Variants in SEMA4D observed in about 807,000 individuals in gnomAD.
SEMA4D encodes semaphorin-4D.
Under a neutral mutation model 74.8 loss-of-function variants are expected in SEMA4D, and 22 were observed. The observed-to-expected ratio is 0.29, with a 90% CI of 0.21 to 0.42. The LOEUF (loss-of-function observed/expected upper bound fraction) is 0.42, where lower values mean the gene tolerates loss of function less well. Among genes scored for constraint, SEMA4D ranks in the 10% least tolerant of loss-of-function variants. The pLI is 1.00. For synonymous variants in SEMA4D, 445 were observed against 463.7 expected (o/e 0.96, Z 0.52); for missense variants, 937 against 1,118.4 (o/e 0.84, Z 2.31).
intron 1 of SEMA4D, among the ~76,000 whole-genome samples, chr9:89,491,137 C>T (rs1183135548): frequency 1.3e-5 from 2 of 152,224 alleles, no homozygotes; most frequent in African/African-American, 4.8e-5. Flanking sequence ...TAGTGGGACT[C>T]CACGTGGAAA....
intron 15 of SEMA4D, among the ~76,000 whole-genome samples, chr9:89,380,456 C>G (rs1461534858): frequency 6.6e-6 from 1 of 152,144 alleles, no homozygotes; most frequent in Non-Finnish European, 1.5e-5. Flanking sequence ...CTCAGCCTCC[C>G]TAGTAGCTGG....
chr9:89,391,861 G>A (rs1286969980), intron 8 of SEMA4D, among the ~76,000 whole-genome samples: 1 of 152,226 alleles, frequency 6.6e-6, no homozygotes, highest in Non-Finnish European at 1.5e-5. Context: ...CCCTGAATCT[G>A]GGGTCTTGGG....
chr9:89,472,390 A>C (rs28624207), intron 1 of SEMA4D: 46,285 of 349,490 alleles, frequency 0.13, 3,301 homozygotes, highest in Middle Eastern at 0.18. Flanking sequence ...GACAGGAATG[A>C]TCACTGGGCA....
intron 5 of SEMA4D, 97 bp downstream of exon 5, chr9:89,399,179 A>T: frequency 1.0e-6 from 1 of 1,001,272 alleles, no homozygotes; most frequent in Non-Finnish European, 1.6e-6. Flanking sequence ...CCTGGAGAAA[A>T]GGCTGGCCTG....
At position 89,393,673 on chromosome 9, in the gene SEMA4D, G is replaced by C; in HGVS notation, c.415-18C>G. 2 of 1,568,464 alleles carry C rather than the reference G, an allele frequency of 1.3e-6. No individual in the cohort carries two copies. Among genetic ancestry groups the C allele is most frequent in the Non-Finnish European group, 8.8e-7 (1 of 1,138,354 alleles). Reference sequence around the variant, plus strand: ...GTTAAGTTCTACAATTGAATAAAAAGAGAGCACATCATCAGATGGCTGAAT... The same window carrying C: ...GTTAAGTTCTACAATTGAATAAAAACAGAGCACATCATCAGATGGCTGAAT... On this transcript the variant is annotated intron_variant, in intron 6 of 15. Coordinates refer to ENST00000422704, the MANE Select transcript of SEMA4D (RefSeq NM_001371194.2).
chr9:89,369,630 TGC>T (rs1352346994), intron 16 of SEMA4D: 1 of 152,272 alleles, frequency 6.6e-6, no homozygotes, highest in East Asian at 1.9e-4. Context: ...GTATGCCAGA[TGC>T]GCTATGTGCT....
chr9:89,446,431 C>CA lies in SEMA4D; in HGVS notation c.-244+9456dup, dbSNP rs199570444. On this transcript the variant is annotated intron_variant, in intron 2 of 15. Coordinates refer to ENST00000422704, the MANE Select transcript of SEMA4D (RefSeq NM_001371194.2). ...TACCACAAGGGGCAAAACCAAAGAACAAAAAAAACCCTGAGACTGACTGAG... is the reference window on the plus strand; with the variant it reads ...TACCACAAGGGGCAAAACCAAAGAACAAAAAAAAACCCTGAGACTGACTGAG... Among the ~76,000 whole-genome samples, 97 of 152,078 alleles carry CA rather than the reference C, an allele frequency of 6.4e-4. 1 individual carries two copies. The East Asian group carries it at 6.8e-3, about 11-fold the overall frequency.
At chr9:89,388,188 G>A (rs975179312) in intron 11 of SEMA4D, among the ~76,000 whole-genome samples, 1 of 152,164 alleles carries the variant, frequency 6.6e-6, no homozygotes, top group Non-Finnish European at 1.5e-5. Flanking sequence ...CCCCACAGAG[G>A]GCTGTGCACA....
intron 1 of SEMA4D, among the ~76,000 whole-genome samples, chr9:89,463,694 G>C (rs1025790363): frequency 2.6e-5 from 4 of 152,216 alleles, no homozygotes; most frequent in African/African-American, 9.6e-5. Flanking sequence ...CCAGCACTTT[G>C]GGAGGCTGAG....
intron 1 of SEMA4D, among the ~76,000 whole-genome samples, chr9:89,490,655 C>T (rs1342575308): frequency 6.6e-6 from 1 of 152,182 alleles, no homozygotes; most frequent in Non-Finnish European, 1.5e-5. Context: ...GTGTATCAAA[C>T]ACATTTTTGA....
rs528892883 is a variant in SEMA4D at position 89,412,511 on chromosome 9, T to C, written c.-243-6812A>G. On this transcript the variant is annotated intron_variant, in intron 2 of 15. Coordinates refer to ENST00000422704, the MANE Select transcript of SEMA4D (RefSeq NM_001371194.2). Reference sequence around the variant, plus strand: ...AAAAGAAACCTTTTTCTTAATTGCTTTTACCTTGGACCAATCCAGACACTG... The same window carrying C: ...AAAAGAAACCTTTTTCTTAATTGCTCTTACCTTGGACCAATCCAGACACTG... Among the ~76,000 whole-genome samples the C allele has an allele frequency of 8.5e-5, 13 of 152,272 alleles. 1 individual carries two copies. In the South Asian group the frequency reaches 2.5e-3, roughly 29 times the overall value.
chr9:89,435,981 C>G (rs867083890), intron 2 of SEMA4D, among the ~76,000 whole-genome samples: 1 of 152,182 alleles, frequency 6.6e-6, no homozygotes, highest in Non-Finnish European at 1.5e-5. Flanking sequence ...CAAGGAAGCG[C>G]CCCCGCTGCC....
At chr9:89,447,786 C>T (rs112775416) in intron 2 of SEMA4D, among the ~76,000 whole-genome samples, 4 of 151,866 alleles carry the variant, frequency 2.6e-5, no homozygotes, top group African/African-American at 9.7e-5. Flanking sequence ...CACTGCCCCC[C>T]ACCACCACTT....
At chr9:89,399,113 A>G (rs1340046383) in intron 5 of SEMA4D, among the ~76,000 whole-genome samples, 163 bp downstream of exon 5, 1 of 152,228 alleles carries the variant, frequency 6.6e-6, no homozygotes, top group Non-Finnish European at 1.5e-5. Flanking sequence ...TCAGGAATAG[A>G]GGGATGAGCT....
chr9:89,466,090 A>G (rs4129681), intron 1 of SEMA4D, among the ~76,000 whole-genome samples: 48,266 of 151,920 alleles, frequency 0.32, 7,905 homozygotes, highest in East Asian at 0.37. Context: ...AGGCACCATG[A>G]AGGGGCAGGA....
In SEMA4D at chr9:89,470,724, A is replaced by C. The variant is rs939923506; in HGVS notation, c.-309-14771T>G. 6.6e-5 allele frequency among the ~76,000 whole-genome samples: 10 copies of C among 152,150 alleles called. No individual in the cohort carries two copies. The East Asian group carries it at 9.6e-4, about 15-fold the overall frequency. On this transcript the variant is annotated intron_variant, in intron 1 of 15. Transcript: ENST00000422704. ...GGACTTACCGAGGGACAAAAAAAAA[A>C]CCAAACTATTGATACCTGCAACAGC...
chr9:89,375,461 A>G (rs1835661665), downstream of SEMA4D, among the ~76,000 whole-genome samples: 1 of 152,222 alleles, frequency 6.6e-6, no homozygotes, highest in African/African-American at 2.4e-5. Flanking sequence ...GCCAAGGGAC[A>G]TTCTGGCCTC....
chr9:89,472,356 T>C, intron 1 of SEMA4D: 1 of 410,252 alleles, frequency 2.4e-6, no homozygotes, highest in Non-Finnish European at 4.8e-6. Flanking sequence ...GAGAAGATGA[T>C]GGAGACAAGA....
chr9:89,461,136 T>C (rs945875116), intron 1 of SEMA4D, among the ~76,000 whole-genome samples: 2 of 151,200 alleles, frequency 1.3e-5, no homozygotes, highest in Non-Finnish European at 2.9e-5. Flanking sequence ...GTCAGAAAAA[T>C]GCAGATTAAA....
Sources: gnomAD v4.1 joint callset for allele counts (sites outside exome capture counted in the v4.1 genomes callset) on GRCh38, gnomAD v4.1.1 for gene constraint, MANE v1.5 for transcripts, NCBI Gene and HGNC (gene_info 2026-07-23, HGNC 2026-07-21) for gene names.